Variants in FILIP1L observed in about 807,000 individuals in gnomAD.
The protein encoded by FILIP1L is filamin A interacting protein 1 like, also known as filamin A-interacting protein 1-like.
In FILIP1L, 55 loss-of-function variants were observed where a neutral mutation model predicts 96.6. The ratio of observed to expected loss-of-function variants is 0.57; its 90% CI spans 0.46 to 0.71. FILIP1L has a LOEUF of 0.71. Among genes scored for constraint, FILIP1L ranks in the 30% least tolerant of loss-of-function variants. FILIP1L has a pLI of 0.00. For missense variants in FILIP1L, 1,304 were observed against 1,321.2 expected (o/e 0.99, Z 0.20); for synonymous variants, 467 against 473.9 (o/e 0.99, Z 0.19).
intron 5 of FILIP1L, among the ~76,000 whole-genome samples, chr3:99,844,834 G>A (rs946123090): frequency 2.6e-5 from 4 of 152,168 alleles, no homozygotes; most frequent in African/African-American, 9.7e-5. Context: ...AAAAGTGGCA[G>A]TTTCCCCTGT....
At chr3:99,943,118 C>T (rs1210357664) in intron 1 of FILIP1L, among the ~76,000 whole-genome samples, 1 of 152,114 alleles carries the variant, frequency 6.6e-6, no homozygotes, top group Non-Finnish European at 1.5e-5. Context: ...AAGCCTGTTT[C>T]TTTAAAGGCG....
chr3:100,092,922 T>C (rs2066137945), intron 1 of FILIP1L, among the ~76,000 whole-genome samples: 1 of 152,008 alleles, frequency 6.6e-6, no homozygotes, highest in East Asian at 1.9e-4. Context: ...AGTTTAGCTA[T>C]CTATAAATAT....
intron 1 of FILIP1L, among the ~76,000 whole-genome samples, chr3:99,945,278 C>T (rs371817066): frequency 6.6e-6 from 1 of 152,214 alleles, no homozygotes. Context: ...CGAAGGAGTG[C>T]TTTCCCCATA....
Position 100,082,864 on chromosome 3 carries a change from C to G in FILIP1L, c.-11+31189G>C, listed in dbSNP as rs933354068. ...CCTAGTTTGAAGAGATATAATTCAC[C>G]CCTTGGGTTTATTTTGTGAGAATGG... is the stretch of plus-strand genomic sequence containing the variant. On this transcript the variant is annotated intron_variant, in intron 1 of 5. Coordinates refer to ENST00000477258, the MANE Select transcript of FILIP1L (RefSeq NM_001387850.1). Among the ~76,000 whole-genome samples the G allele has an allele frequency of 3.9e-5, 6 of 152,070 alleles. No homozygotes were observed. The East Asian group carries it at 9.6e-4, about 24-fold the overall frequency.
chr3:100,083,128 G>T (rs2065957152), intron 1 of FILIP1L, among the ~76,000 whole-genome samples: 1 of 152,094 alleles, frequency 6.6e-6, no homozygotes, highest in Non-Finnish European at 1.5e-5. Context: ...CAGACATATT[G>T]GCAGTCAGTA....
At chr3:99,866,356 G>A (rs1318589297) in intron 4 of FILIP1L, among the ~76,000 whole-genome samples, 1 of 152,048 alleles carries the variant, frequency 6.6e-6, no homozygotes, top group Non-Finnish European at 1.5e-5. Flanking sequence ...TGGTATGCTT[G>A]GGAAACCAAA....
rs138750432 is a variant in FILIP1L at position 99,958,392 on chromosome 3, G to A, written c.-10-27362C>T. Among the ~76,000 whole-genome samples the A allele has an allele frequency of 2.6e-3, 398 of 152,152 alleles. 2 individuals are homozygous for A. The highest frequency in any genetic ancestry group is 4.9e-3 in the Non-Finnish European group (331 of 68,000). On this transcript the variant is annotated intron_variant, in intron 1 of 5. Coordinates refer to ENST00000477258, the MANE Select transcript of FILIP1L (RefSeq NM_001387850.1). ...AGAGAACTAGGGCCTGTTAATGCCA[G>A]CCATGAAAAAGCTGCTACAGTGGGC... is the stretch of plus-strand genomic sequence containing the variant.
At chr3:99,999,476 C>T (rs1365144847) in intron 1 of FILIP1L, among the ~76,000 whole-genome samples, 2 of 152,082 alleles carry the variant, frequency 1.3e-5, no homozygotes, top group African/African-American at 4.8e-5. Context: ...AGTAGATTAT[C>T]GACAGACTTT....
At chr3:99,854,998 A>T (rs904533272) in intron 4 of FILIP1L, among the ~76,000 whole-genome samples, 2 of 152,132 alleles carry the variant, frequency 1.3e-5, no homozygotes, top group Admixed American at 1.3e-4. Flanking sequence ...CCTTATAACA[A>T]ACTCCCAGAT....
chr3:100,065,960 C>T (rs141304961), intron 1 of FILIP1L, among the ~76,000 whole-genome samples: 8 of 152,174 alleles, frequency 5.3e-5, no homozygotes, highest in Admixed American at 1.3e-4. Flanking sequence ...CACACTGGAC[C>T]TTCTGAATCA....
Position 100,102,398 on chromosome 3 carries a change from G to C in FILIP1L, c.-11+11655C>G, listed in dbSNP as rs140278747. Reference sequence around the variant, plus strand: ...GGATAACTAAATATCCTTGGAAATGGGATAATAAGGAAAGAGAAGTGAAAG... The same window carrying C: ...GGATAACTAAATATCCTTGGAAATGCGATAATAAGGAAAGAGAAGTGAAAG... On this transcript the variant is annotated intron_variant, in intron 1 of 5. Transcript: ENST00000477258. Among the ~76,000 whole-genome samples the C allele has an allele frequency of 6.2e-3, 944 of 152,162 alleles. 3 individuals carry two copies. Among genetic ancestry groups the C allele is most frequent in the Non-Finnish European group, 0.01 (698 of 68,004 alleles).
chr3:100,084,601 A>G (rs1189585248), intron 1 of FILIP1L, among the ~76,000 whole-genome samples: 1 of 152,184 alleles, frequency 6.6e-6, no homozygotes. Context: ...GAGCTTTATA[A>G]AGAGGAACTG....
chr3:99,883,719 A>C (rs981317430), intron 4 of FILIP1L, among the ~76,000 whole-genome samples: 1 of 152,196 alleles, frequency 6.6e-6, no homozygotes, highest in Non-Finnish European at 1.5e-5. Context: ...TCATTGTTAT[A>C]ATAATAACAA....
chr3:99,883,823 T>A (rs1431138285), intron 4 of FILIP1L, among the ~76,000 whole-genome samples: 2 of 152,144 alleles, frequency 1.3e-5, no homozygotes, highest in African/African-American at 4.8e-5. Flanking sequence ...AATAACCCTA[T>A]GGGATAGATA....
At chr3:99,899,900 T>C (rs889501155) in intron 4 of FILIP1L, among the ~76,000 whole-genome samples, 1 of 152,104 alleles carries the variant, frequency 6.6e-6, no homozygotes, top group Admixed American at 6.5e-5. Flanking sequence ...TTTAAGTGCT[T>C]AGAGTAGGGC....
intron 5 of FILIP1L, among the ~76,000 whole-genome samples, chr3:99,843,088 A>G (rs186420645): frequency 6.6e-6 from 1 of 152,366 alleles, no homozygotes; most frequent in East Asian, 1.9e-4. Context: ...GAACCTTAGT[A>G]AACTACTTGT....
chr3:100,106,461 G>A (rs1322716647), intron 1 of FILIP1L, among the ~76,000 whole-genome samples: 1 of 152,092 alleles, frequency 6.6e-6, no homozygotes, highest in African/African-American at 2.4e-5. Context: ...CAGAAATGAG[G>A]GTAATGGTGG....
intron 1 of FILIP1L, among the ~76,000 whole-genome samples, chr3:100,011,084 T>G (rs1021437097): frequency 1.4e-4 from 21 of 152,144 alleles, no homozygotes; most frequent in Non-Finnish European, 1.8e-4. Flanking sequence ...TCTGTGATAA[T>G]AGAAGATTGA....
intron 1 of FILIP1L, among the ~76,000 whole-genome samples, chr3:100,002,519 TC>T (rs1437247905): frequency 1.3e-5 from 2 of 152,216 alleles, no homozygotes; most frequent in Non-Finnish European, 2.9e-5. Context: ...TTCTAGTAAT[TC>T]CGAGTAGGAT....
Sources: allele counts gnomAD v4.1 joint callset (sites outside exome capture counted in the v4.1 genomes callset), GRCh38; gene constraint gnomAD v4.1.1; transcripts MANE v1.5; gene names NCBI Gene and HGNC (gene_info 2026-07-23, HGNC 2026-07-21).